FRYL: variants seen among roughly 807,000 people sequenced by gnomAD.
FRYL encodes FRY like transcription coactivator, also known as protein furry homolog-like.
FRYL carries 150 observed loss-of-function variants against 351.2 expected under a neutral mutation model. The observed-to-expected ratio is 0.43, with a 90% CI of 0.37 to 0.49. FRYL has a LOEUF of 0.49. Among genes scored for constraint, FRYL ranks in the 20% least tolerant of loss-of-function variants. The probability of loss-of-function intolerance (pLI) is 0.00; values close to 1 mark genes in which losing one functional copy is unlikely to be tolerated. For missense variants in FRYL, 3,036 were observed against 3,619.3 expected (o/e 0.84, Z 4.13); for synonymous variants, 1,153 against 1,257.1 (o/e 0.92, Z 1.75).
At chr4:48,573,774 C>T (rs1406936787) in intron 25 of FRYL, among the ~76,000 whole-genome samples, 1 of 152,190 alleles carries the variant, frequency 6.6e-6, no homozygotes, top group South Asian at 2.1e-4. Context: ...TGGTCTCAAA[C>T]TCCCGACCTC....
chr4:48,512,769 C>A (rs1162198490), intron 56 of FRYL, 81 bp from the exon 57 acceptor site: 1 of 964,232 alleles, frequency 1.0e-6, no homozygotes, highest in Non-Finnish European at 1.6e-6. Flanking sequence ...CAGCTTAAGT[C>A]ATTTGACAGG....
At position 48,545,069 on chromosome 4, in the gene FRYL, C is replaced by T. The variant is rs139297183; in HGVS notation, c.5280-165G>A. Among the ~76,000 whole-genome samples, 412 of 152,230 alleles carry T rather than the reference C, an allele frequency of 2.7e-3. 1 individual carries two copies. The highest frequency in any genetic ancestry group is 4.6e-3 in the Non-Finnish European group (312 of 68,014). On this transcript the variant is annotated intron_variant, in intron 42 of 63. Transcript: ENST00000358350. ...CACATGAATATGTAATGATCTACAG[C>T]AAGGAGAGAAAGATCTCATTTCAGT...
intron 19 of FRYL, among the ~76,000 whole-genome samples, chr4:48,583,067 G>C (rs1342649431): frequency 1.3e-5 from 2 of 151,844 alleles, no homozygotes; most frequent in African/African-American, 4.8e-5. Flanking sequence ...AATCAAAAAT[G>C]ATATCTAATC....
intron 2 of FRYL, among the ~76,000 whole-genome samples, chr4:48,698,329 T>A (rs1363212593): frequency 1.3e-5 from 2 of 152,350 alleles, no homozygotes; most frequent in East Asian, 3.9e-4. Context: ...AACTGATGAC[T>A]TTTAAAAAGC....
chr4:48,523,451 AC>A (rs1209092103), intron 53 of FRYL: 18 of 178,766 alleles, frequency 1.0e-4, no homozygotes, highest in African/African-American at 4.0e-4. Context: ...ACAGATGACA[AC>A]AAATAAACAA....
At chr4:48,571,985 T>C (rs1348879777) in intron 26 of FRYL, 2 of 985,244 alleles carry the variant, frequency 2.0e-6, no homozygotes, top group African/African-American at 1.7e-5. Context: ...ACCAAACTGA[T>C]CATTCTGAAA....
chr4:48,768,762 G>C (rs1365770663), intron 1 of FRYL, among the ~76,000 whole-genome samples: 1 of 151,760 alleles, frequency 6.6e-6, no homozygotes, highest in East Asian at 1.9e-4. Context: ...TTGCACTCCA[G>C]CCTGGGTGAC....
At chr4:48,765,390 G>C (rs1774845178) in intron 1 of FRYL, among the ~76,000 whole-genome samples, 1 of 152,090 alleles carries the variant, frequency 6.6e-6, no homozygotes, top group African/African-American at 2.4e-5. Flanking sequence ...TGCCAAAAAT[G>C]TACAAGGGGG....
At chr4:48,586,825 C>T (rs1429254290) in intron 18 of FRYL, 97 bp from the exon 19 acceptor site, 53 of 725,066 alleles carry the variant, frequency 7.3e-5, no homozygotes, top group Non-Finnish European at 1.0e-4. Flanking sequence ...CGAGTCCTCC[C>T]CTAAAGTTCA....
At position 48,528,356 on chromosome 4, in the gene FRYL, C is replaced by T. The variant is rs552344349; in HGVS notation, c.6904-20G>A. ...TGGTGTCTACACAGAAACAAAATGTCAGTGTTTGGCTCAAATATTTCAACA... is the reference window on the plus strand; with the variant it reads ...TGGTGTCTACACAGAAACAAAATGTTAGTGTTTGGCTCAAATATTTCAACA... On this transcript the variant is annotated intron_variant, in intron 50 of 63. Coordinates refer to ENST00000358350, the MANE Select transcript of FRYL (RefSeq NM_015030.2). 34 of 1,574,812 alleles carry T rather than the reference C, an allele frequency of 2.2e-5. No individual in the cohort carries two copies. In the South Asian group the frequency reaches 4.0e-4, roughly 18 times the overall value.
rs2148687796 is a variant in FRYL, at chr4:48,499,492, CGTAGAG to C, written c.8966_8971del (p.Ser2989_Arg2991delinsCys). On this transcript the variant is annotated inframe_deletion, in exon 64 of 64. Coordinates refer to ENST00000358350, the MANE Select transcript of FRYL (RefSeq NM_015030.2). Reference sequence around the variant, plus strand: ...TAGAAGTTGGTATGATTGCACCATGCGTAGAGACTCTCTTATTTCCAGATTAAGTTC... The same window carrying C: ...TAGAAGTTGGTATGATTGCACCATGCACTCTCTTATTTCCAGATTAAGTTC... 1.9e-6 allele frequency: 3 copies of C among 1,613,780 alleles called. No individual in the cohort carries two copies. In the East Asian group the frequency reaches 6.7e-5, roughly 36 times the overall value.
At chr4:48,686,984 T>C (rs539865092) in intron 2 of FRYL, among the ~76,000 whole-genome samples, 1 of 152,364 alleles carries the variant, frequency 6.6e-6, no homozygotes, top group East Asian at 1.9e-4. Flanking sequence ...CTTCACTGGC[T>C]TTCTTTATAG....
intron 2 of FRYL, among the ~76,000 whole-genome samples, chr4:48,691,334 A>C (rs751139465): frequency 1.2e-4 from 18 of 152,334 alleles, no homozygotes; most frequent in South Asian, 2.1e-4. Context: ...CAAAGAACAA[A>C]AAGGACCAGT....
intron 59 of FRYL, among the ~76,000 whole-genome samples, 161 bp downstream of exon 59, chr4:48,509,898 G>C (rs1357657722): frequency 1.3e-5 from 2 of 152,178 alleles, no homozygotes; most frequent in Non-Finnish European, 2.9e-5. Flanking sequence ...CCAAAGGTAG[G>C]AATTTGCTGG....
intron 25 of FRYL, among the ~76,000 whole-genome samples, chr4:48,573,504 A>G (rs11732827): frequency 0.081 from 12,277 of 152,272 alleles, 643 homozygotes; most frequent in Non-Finnish European, 0.12. Context: ...TCAGTTTGCA[A>G]TCCACATACG....
intron 1 of FRYL, among the ~76,000 whole-genome samples, chr4:48,773,303 G>A (rs1221853285): frequency 1.3e-5 from 2 of 152,132 alleles, no homozygotes; most frequent in African/African-American, 4.8e-5. Context: ...CTTATTAAGG[G>A]TCTACCAAGT....
intron 28 of FRYL, among the ~76,000 whole-genome samples, chr4:48,566,453 A>G (rs1379800641): frequency 6.6e-6 from 1 of 152,228 alleles, no homozygotes; most frequent in Non-Finnish European, 1.5e-5. Context: ...CCACATCTTT[A>G]TATTAGTGAG....
In FRYL at chr4:48,564,929, T is replaced by C. The variant is rs1736433124; in HGVS notation, c.3441+4A>G. Reference sequence around the variant, plus strand: ...TGAACCTTTAAGGAAATTGTCATAATTACCTTTTTGTCCAGAGAATCCAAA... The same window carrying C: ...TGAACCTTTAAGGAAATTGTCATAACTACCTTTTTGTCCAGAGAATCCAAA... On this transcript the variant is annotated splice_donor_region_variant and intron_variant, in intron 30 of 63. Transcript: ENST00000358350. 1 of 1,491,914 alleles carries C rather than the reference T, an allele frequency of 6.7e-7. No individual in the cohort carries two copies. The highest frequency in any genetic ancestry group is 1.2e-5 in the South Asian group (1 of 86,540). The allele number at this position is 1,491,914 out of a possible 1,614,324, so 92.4% of individuals were successfully genotyped here.
At chr4:48,770,210 T>G (rs1425756676) in intron 1 of FRYL, among the ~76,000 whole-genome samples, 1 of 152,138 alleles carries the variant, frequency 6.6e-6, no homozygotes, top group African/African-American at 2.4e-5. Flanking sequence ...TGAATGAAGG[T>G]GACACAGGAC....
Sources: gnomAD v4.1 joint callset for allele counts (sites outside exome capture counted in the v4.1 genomes callset) on GRCh38, gnomAD v4.1.1 for gene constraint, MANE v1.5 for transcripts, NCBI Gene and HGNC (gene_info 2026-07-23, HGNC 2026-07-21) for gene names.